The following NKAIN3 variants were observed in gnomAD, a reference collection of about 807,000 sequenced individuals.
The protein encoded by NKAIN3 is sodium/potassium transporting ATPase interacting 3, also known as sodium/potassium-transporting ATPase subunit beta-1-interacting protein 3.
In NKAIN3, 25 loss-of-function variants were observed where a neutral mutation model predicts 30.2. The ratio of observed to expected loss-of-function variants is 0.83; its 90% CI spans 0.60 to 1.16. The LOEUF is 1.16. NKAIN3 is among the 50% of genes most tolerant of loss of function. NKAIN3 has a pLI of 0.00. For synonymous variants in NKAIN3, 91 were observed against 89.6 expected (o/e 1.02, Z -0.09); for missense variants, 225 against 254.1 (o/e 0.89, Z 0.78).
At chr8:62,703,557 C>A (rs1261489372) in intron 3 of NKAIN3, among the ~76,000 whole-genome samples, 2 of 152,128 alleles carry the variant, frequency 1.3e-5, no homozygotes, top group Non-Finnish European at 2.9e-5. Context: ...TGAGAACTCC[C>A]TCCTAAAATC....
intron 1 of NKAIN3, among the ~76,000 whole-genome samples, chr8:62,431,328 A>T (rs897773770): frequency 6.6e-6 from 1 of 151,948 alleles, no homozygotes. Flanking sequence ...AAGACCCAAG[A>T]TGAACATCAT....
Position 62,849,719 on chromosome 8 carries a change from CT to C in NKAIN3, c.472-68732del, listed in dbSNP as rs1819822080. On this transcript the variant is annotated intron_variant, in intron 4 of 6. Transcript: ENST00000623646. Reference sequence around the variant, plus strand: ...AACATGCGGTGTTTGGTTTTTTGTCCTTCCGATAGTTTGCTGAGAGTGATGG... The same window carrying C: ...AACATGCGGTGTTTGGTTTTTTGTCCTCCGATAGTTTGCTGAGAGTGATGG... Among the ~76,000 whole-genome samples the C allele has an allele frequency of 4.1e-5, 6 of 146,980 alleles. No individual in the cohort carries two copies. The South Asian group carries it at 1.3e-3, about 32-fold the overall frequency.
At chr8:62,305,214 C>A (rs1459533965) in intron 1 of NKAIN3, among the ~76,000 whole-genome samples, 1 of 150,188 alleles carries the variant, frequency 6.7e-6, no homozygotes, top group Non-Finnish European at 1.5e-5. Context: ...AGTAGCACAT[C>A]CATTTTTATT....
Position 62,560,531 on chromosome 8 carries a change from C to CTTTT in NKAIN3, c.55-18986_55-18983dup, listed in dbSNP as rs869256384. Among the ~76,000 whole-genome samples, 128 of 45,364 alleles carry CTTTT rather than the reference C, an allele frequency of 2.8e-3. 7 individuals are homozygous for CTTTT. Among genetic ancestry groups the CTTTT allele is most frequent in the Middle Eastern group, 0.031 (1 of 32 alleles). 29.8% of individuals were successfully genotyped at this position (45,364 alleles called of 152,430 possible). A position where few individuals can be genotyped will look rare whatever the true frequency, so the allele number is the denominator to read the frequency against. On this transcript the variant is annotated intron_variant, in intron 1 of 6. Transcript: ENST00000623646. Reference sequence around the variant, plus strand: ...CAGTTCACTGAATCTTTTTTCTTTTCTTTTTTTTTTTTTTTTTTTTTTTTT... The same window carrying CTTTT: ...CAGTTCACTGAATCTTTTTTCTTTTCTTTTTTTTTTTTTTTTTTTTTTTTTTTTT...
intron 1 of NKAIN3, among the ~76,000 whole-genome samples, chr8:62,441,657 C>T (rs968651485): frequency 1.3e-5 from 2 of 151,874 alleles, no homozygotes; most frequent in Admixed American, 6.6e-5. Flanking sequence ...TGCCTGTTAA[C>T]TACATTAGAT....
intron 3 of NKAIN3, among the ~76,000 whole-genome samples, chr8:62,639,747 TG>T (rs1812249066): frequency 3.3e-5 from 5 of 152,114 alleles, no homozygotes; most frequent in Middle Eastern, 3.4e-3. Flanking sequence ...GGGGAGGATG[TG>T]GGTGCAGAGA....
chr8:62,249,002 G>T lies in NKAIN3; in HGVS notation c.-72G>T. 2.2e-6 allele frequency: 3 copies of T among 1,394,758 alleles called. No homozygotes were observed. The highest frequency in any genetic ancestry group is 2.9e-6 in the Non-Finnish European group (3 of 1,023,220). 86.4% of individuals were successfully genotyped at this position (1,394,758 alleles called of 1,614,324 possible). On this transcript the variant is annotated 5_prime_UTR_variant, in exon 1 of 7. Transcript: ENST00000623646. ...GGCCGGGCCGGGCGGGGACTACTCC[G>T]GAGTCAGGAGGCAGCAGCGGCGGAG...
At chr8:62,867,070 T>A (rs78137777) in intron 4 of NKAIN3, among the ~76,000 whole-genome samples, 15 of 112,714 alleles carry the variant, frequency 1.3e-4, no homozygotes, top group South Asian at 2.7e-4. Flanking sequence ...AAAAAAAAAA[T>A]TAAACTGTTT....
intron 1 of NKAIN3, among the ~76,000 whole-genome samples, chr8:62,439,528 A>G (rs1805264699): frequency 6.6e-6 from 1 of 152,212 alleles, no homozygotes; most frequent in Non-Finnish European, 1.5e-5. Flanking sequence ...TCTGCACTTA[A>G]GCATTCATCC....
downstream of NKAIN3, among the ~76,000 whole-genome samples, chr8:62,986,992 G>A (rs1000870088): frequency 6.6e-6 from 1 of 151,952 alleles, no homozygotes; most frequent in East Asian, 1.9e-4. Flanking sequence ...TATGATTTGG[G>A]AGCTCTTCAT....
intron 4 of NKAIN3, among the ~76,000 whole-genome samples, chr8:62,870,711 CTA>C: frequency 1.6e-5 from 2 of 126,240 alleles, no homozygotes; most frequent in African/African-American, 6.7e-5. Context: ...ATCTATATAT[CTA>C]TATCTCTATA....
chr8:62,947,206 A>G (rs1585609847), intron 5 of NKAIN3, among the ~76,000 whole-genome samples: 1 of 152,192 alleles, frequency 6.6e-6, no homozygotes, highest in Non-Finnish European at 1.5e-5. Flanking sequence ...TAAAGATAAT[A>G]AGAATGATGA....
At chr8:62,591,987 A>G (rs1810667989) in intron 3 of NKAIN3, among the ~76,000 whole-genome samples, 1 of 152,040 alleles carries the variant, frequency 6.6e-6, no homozygotes, top group African/African-American at 2.4e-5. Flanking sequence ...CTGCTAGTTC[A>G]TGAAGATACT....
intron 4 of NKAIN3, among the ~76,000 whole-genome samples, chr8:62,787,456 T>C (rs115844165): frequency 0.01 from 1,594 of 152,280 alleles, 29 homozygotes; most frequent in African/African-American, 0.035. Flanking sequence ...GCCATGATAC[T>C]TAATTATAAA....
intron 1 of NKAIN3, among the ~76,000 whole-genome samples, chr8:62,296,009 T>A (rs1813816165): frequency 6.6e-6 from 1 of 152,206 alleles, no homozygotes; most frequent in Non-Finnish European, 1.5e-5. Flanking sequence ...ATATTTTTGT[T>A]TGACCTGTAA....
At chr8:62,780,002 A>C (rs1004627872) in intron 4 of NKAIN3, among the ~76,000 whole-genome samples, 2 of 152,126 alleles carry the variant, frequency 1.3e-5, no homozygotes, top group Non-Finnish European at 2.9e-5. Context: ...ACAAAAGATC[A>C]TTGAAACAAA....
intron 3 of NKAIN3, among the ~76,000 whole-genome samples, chr8:62,736,367 G>A (rs140837274): frequency 2.6e-5 from 4 of 152,226 alleles, no homozygotes; most frequent in African/African-American, 7.2e-5. Context: ...TTACTGTGGG[G>A]GTTGCTGGTG....
chr8:62,763,254 A>C (rs1189964587), intron 4 of NKAIN3, among the ~76,000 whole-genome samples: 2 of 142,874 alleles, frequency 1.4e-5, no homozygotes, highest in African/African-American at 2.7e-5. Context: ...AAAAAAAAAA[A>C]AAAAAAACTT....
chr8:62,528,905 T>C (rs891040572), intron 1 of NKAIN3, among the ~76,000 whole-genome samples: 8 of 152,146 alleles, frequency 5.3e-5, no homozygotes, highest in Non-Finnish European at 1.0e-4. Flanking sequence ...CACTAAGTGA[T>C]AGATACCATT....
Sources: gnomAD v4.1 joint callset for allele counts (sites outside exome capture counted in the v4.1 genomes callset) on GRCh38, gnomAD v4.1.1 for gene constraint, MANE v1.5 for transcripts, NCBI Gene and HGNC (gene_info 2026-07-23, HGNC 2026-07-21) for gene names.